Variants in PRICKLE2 observed in about 807,000 individuals in gnomAD.
PRICKLE2 encodes the protein prickle planar cell polarity protein 2.
In PRICKLE2, 21 loss-of-function variants were observed where a neutral mutation model predicts 81.4. The observed-to-expected ratio is 0.26, with a 90% CI of 0.18 to 0.37. PRICKLE2 has a LOEUF of 0.37. Ranked by LOEUF, PRICKLE2 falls within the 10% of genes least tolerant of loss-of-function variation. PRICKLE2 has a pLI of 1.00. For missense variants in PRICKLE2, 940 were observed against 1,109.0 expected (o/e 0.85, Z 2.16); for synonymous variants, 456 against 421.5 (o/e 1.08, Z -1.00).
At chr3:64,258,702 C>T (rs1280580793) in intron 2 of PRICKLE2, among the ~76,000 whole-genome samples, 4 of 150,170 alleles carry the variant, frequency 2.7e-5, no homozygotes, top group Non-Finnish European at 3.0e-5. Context: ...CGGGTGCCTG[C>T]AGTCCCAGCC....
intron 7 of PRICKLE2, among the ~76,000 whole-genome samples, chr3:64,113,768 C>G (rs2076888712): frequency 6.6e-6 from 1 of 151,628 alleles, no homozygotes; most frequent in African/African-American, 2.4e-5. Context: ...GCGGACACCC[C>G]CACACCCTCA....
At chr3:64,104,733 T>C (rs976493394) in intron 7 of PRICKLE2, 7 of 152,388 alleles carry the variant, frequency 4.6e-5, no homozygotes, top group Admixed American at 3.9e-4. Flanking sequence ...TTCACCTAAA[T>C]GTAAGCCATT....
At chr3:64,183,583 T>C (rs1280871871) in intron 2 of PRICKLE2, among the ~76,000 whole-genome samples, 2 of 152,158 alleles carry the variant, frequency 1.3e-5, no homozygotes, top group Admixed American at 6.6e-5. Flanking sequence ...TCATTCGGCA[T>C]TGATAGACCA....
chr3:64,247,721 CT>C (rs985997768), intron 2 of PRICKLE2, among the ~76,000 whole-genome samples: 4 of 152,208 alleles, frequency 2.6e-5, no homozygotes, highest in African/African-American at 7.2e-5. Context: ...TTAACTCCCC[CT>C]ATCCCCTGCC....
chr3:64,121,281 G>A (rs1243808553), intron 7 of PRICKLE2, among the ~76,000 whole-genome samples: 1 of 152,174 alleles, frequency 6.6e-6, no homozygotes, highest in East Asian at 1.9e-4. Context: ...ATTAGGTTTG[G>A]GAATTTCTAC....
intron 7 of PRICKLE2, chr3:64,101,357 T>A (rs2076658768): frequency 6.6e-6 from 1 of 152,274 alleles, no homozygotes; most frequent in East Asian, 1.9e-4. Context: ...CATTCCCCAC[T>A]AAAAGGAATC....
intron 1 of PRICKLE2, among the ~76,000 whole-genome samples, chr3:64,209,888 A>C (rs947574642): frequency 5.3e-5 from 8 of 152,228 alleles, no homozygotes; most frequent in African/African-American, 1.9e-4. Flanking sequence ...CCTCCCACTG[A>C]AGTGACATTT....
At chr3:64,153,130 A>G in intron 6 of PRICKLE2, 52 bp downstream of exon 6, 1 of 1,535,812 alleles carries the variant, frequency 6.5e-7, no homozygotes, top group Non-Finnish European at 9.0e-7. Context: ...CACCCAAAAC[A>G]AAGGTGACCG....
intron 2 of PRICKLE2, among the ~76,000 whole-genome samples, chr3:64,174,234 T>G (rs904873553): frequency 2.6e-5 from 4 of 152,224 alleles, no homozygotes; most frequent in African/African-American, 9.6e-5. Context: ...GTTGAATGTT[T>G]GAGTCCTAAC....
chr3:64,119,571 G>A (rs1238174511), intron 7 of PRICKLE2, among the ~76,000 whole-genome samples: 1 of 152,142 alleles, frequency 6.6e-6, no homozygotes, highest in Admixed American at 6.5e-5. Context: ...ATGCTGGTGA[G>A]GCTGTGGAGA....
At chr3:64,204,583 C>A (rs1048950272) in intron 1 of PRICKLE2, among the ~76,000 whole-genome samples, 11 of 149,102 alleles carry the variant, frequency 7.4e-5, no homozygotes, top group African/African-American at 9.8e-5. Context: ...ACAACAACAA[C>A]AAAAAACCTC....
chr3:64,176,975 A>G (rs759617715), intron 2 of PRICKLE2, among the ~76,000 whole-genome samples: 11 of 152,172 alleles, frequency 7.2e-5, no homozygotes, highest in Admixed American at 2.0e-4. Flanking sequence ...ACTTTAGAGA[A>G]ACAGACAGGA....
At chr3:64,157,100 G>T in intron 5 of PRICKLE2, 62 bp downstream of exon 5, 2 of 1,448,548 alleles carry the variant, frequency 1.4e-6, no homozygotes, top group Non-Finnish European at 1.9e-6. Context: ...AGAAGACCAT[G>T]TGTTGGCTAT....
At chr3:64,152,404 G>A (rs1209936021) in intron 6 of PRICKLE2, among the ~76,000 whole-genome samples, 6 of 152,322 alleles carry the variant, frequency 3.9e-5, no homozygotes, top group Admixed American at 3.3e-4. Flanking sequence ...GTATGATCTG[G>A]AACAGCGTTA....
intron 3 of PRICKLE2, among the ~76,000 whole-genome samples, chr3:64,160,781 C>G (rs761905158): frequency 1.3e-5 from 2 of 152,154 alleles, no homozygotes; most frequent in African/African-American, 4.8e-5. Flanking sequence ...AATTTGAATC[C>G]AGTATCTCCC....
intron 1 of PRICKLE2, 78 bp from the exon 2 acceptor site, chr3:64,199,045 C>A: frequency 7.5e-7 from 1 of 1,341,972 alleles, no homozygotes; most frequent in Non-Finnish European, 1.0e-6. Flanking sequence ...GTCACTAGCC[C>A]CTGGATCCCA....
chr3:64,103,719 C>G (rs1011134395), intron 7 of PRICKLE2, among the ~76,000 whole-genome samples: 1 of 152,160 alleles, frequency 6.6e-6, no homozygotes, highest in Non-Finnish European at 1.5e-5. Flanking sequence ...GTGGCTCATG[C>G]CTGTAATCCC....
chr3:64,136,300 G>C (rs991839418), intron 7 of PRICKLE2, among the ~76,000 whole-genome samples: 2 of 151,780 alleles, frequency 1.3e-5, no homozygotes, highest in African/African-American at 4.8e-5. Context: ...TATGTAAGAC[G>C]AAGAGTCTGG....
intron 1 of PRICKLE2, among the ~76,000 whole-genome samples, chr3:64,208,564 C>T (rs1469541201): frequency 1.3e-5 from 2 of 152,242 alleles, no homozygotes; most frequent in African/African-American, 4.8e-5. Context: ...CCTCCAGGCT[C>T]TGACTCCTGT....
Sources: gnomAD v4.1 joint callset for allele counts (sites outside exome capture counted in the v4.1 genomes callset) on GRCh38, gnomAD v4.1.1 for gene constraint, MANE v1.5 for transcripts, NCBI Gene and HGNC (gene_info 2026-07-23, HGNC 2026-07-21) for gene names.